Variants in CADM2 observed in about 807,000 individuals in gnomAD.
CADM2 encodes the protein cell adhesion molecule 2, also known as immunoglobulin superfamily member 4D.
A neutral mutation model predicts 49.8 loss-of-function variants in CADM2; 12 were observed. The observed-to-expected ratio is 0.24, with a 90% CI of 0.15 to 0.39. CADM2 has a LOEUF of 0.39. Ranked by LOEUF, CADM2 falls within the 10% of genes least tolerant of loss-of-function variation. The pLI is 1.00. For missense variants in CADM2, 378 were observed against 492.3 expected (o/e 0.77, Z 2.20); for synonymous variants, 214 against 175.4 (o/e 1.22, Z -1.74).
chr3:85,475,040 A>G (rs545749180), intron 1 of CADM2, among the ~76,000 whole-genome samples: 2 of 151,882 alleles, frequency 1.3e-5, no homozygotes, highest in Admixed American at 1.3e-4. Context: ...TTAAGAAAAT[A>G]ATTTTTCTTG....
chr3:85,600,408 TAA>T (rs2063357582), intron 1 of CADM2, among the ~76,000 whole-genome samples: 1 of 151,966 alleles, frequency 6.6e-6, no homozygotes, highest in Non-Finnish European at 1.5e-5. Context: ...AAGTGCTCAT[TAA>T]ATATTTGTAA....
chr3:85,359,665 TA>T lies in CADM2; in HGVS notation c.62-366856del, dbSNP rs1172502242. On this transcript the variant is annotated intron_variant, in intron 1 of 9. Coordinates refer to ENST00000383699, the MANE Select transcript of CADM2 (RefSeq NM_001167675.2). ...ATATATATATATATATATATATATA[TA>T]TTTTTTTTTTTGGTGGAGGGGAGAA... is the stretch of plus-strand genomic sequence containing the variant. 2.6e-3 allele frequency among the ~76,000 whole-genome samples: 92 copies of T among 34,982 alleles called. 3 individuals are homozygous for T. Among genetic ancestry groups the T allele is most frequent in the African/African-American group, 8.0e-3 (87 of 10,868 alleles). The allele number at this position is 34,982 out of a possible 152,430, so 22.9% of individuals were successfully genotyped here. A position where few individuals can be genotyped will look rare whatever the true frequency, so the allele number is the denominator to read the frequency against.
At chr3:85,430,667 G>T (rs528073904) in intron 1 of CADM2, among the ~76,000 whole-genome samples, 95 of 134,974 alleles carry the variant, frequency 7.0e-4, no homozygotes, top group Non-Finnish European at 1.4e-3. Flanking sequence ...AAGAGAAAGA[G>T]GAGAAAGACA....
At position 85,586,079 on chromosome 3, in the gene CADM2, A is replaced by G. The variant is rs573774118; in HGVS notation, c.62-140443A>G. Among the ~76,000 whole-genome samples, 11 of 152,202 alleles carry G rather than the reference A, an allele frequency of 7.2e-5. No homozygotes were observed. In the South Asian group the frequency reaches 1.2e-3, roughly 17 times the overall value. On this transcript the variant is annotated intron_variant, in intron 1 of 9. Coordinates refer to ENST00000383699, the MANE Select transcript of CADM2 (RefSeq NM_001167675.2). ...TTTGTTTAAAGGGGAGCCATCACTC[A>G]TTAAAGTGTGGTTGATGTTCATGCT...
At chr3:85,690,627 A>C (rs1226466798) in intron 1 of CADM2, among the ~76,000 whole-genome samples, 1 of 152,160 alleles carries the variant, frequency 6.6e-6, no homozygotes, top group Non-Finnish European at 1.5e-5. Context: ...TATTGCTAGC[A>C]GTCAAGATAA....
At chr3:84,983,592 A>G (rs1346440836) in intron 1 of CADM2, among the ~76,000 whole-genome samples, 1 of 152,062 alleles carries the variant, frequency 6.6e-6, no homozygotes, top group Non-Finnish European at 1.5e-5. Context: ...ACCTCCCTTT[A>G]TTTCTGCCTG....
At position 85,402,955 on chromosome 3, in the gene CADM2, A is replaced by G. The variant is rs549084836; in HGVS notation, c.62-323567A>G. On this transcript the variant is annotated intron_variant, in intron 1 of 9. Coordinates refer to ENST00000383699, the MANE Select transcript of CADM2 (RefSeq NM_001167675.2). ...TACAGTCCATCTATTTTGAAAATGT[A>G]ATGAATAATTTAATGATTTGCTAGG... Among the ~76,000 whole-genome samples the G allele has an allele frequency of 3.4e-4, 52 of 152,288 alleles. No homozygotes were observed. The South Asian group carries it at 5.0e-3, about 15-fold the overall frequency.
At chr3:85,008,208 T>C (rs1435174004) in intron 1 of CADM2, among the ~76,000 whole-genome samples, 1 of 152,236 alleles carries the variant, frequency 6.6e-6, no homozygotes, top group African/African-American at 2.4e-5. Context: ...GTAATCTATT[T>C]ATAGCTAACT....
chr3:85,237,603 T>G (rs930088354), intron 1 of CADM2, among the ~76,000 whole-genome samples: 10 of 151,570 alleles, frequency 6.6e-5, no homozygotes, highest in African/African-American at 2.4e-4. Context: ...AAGCAAACAC[T>G]GAATTATGTT....
chr3:85,544,850 G>A (rs2061630548), intron 1 of CADM2, among the ~76,000 whole-genome samples: 1 of 151,816 alleles, frequency 6.6e-6, no homozygotes, highest in Admixed American at 6.6e-5. Flanking sequence ...AGGAGAAAAA[G>A]GGAGGATAGG....
At chr3:85,222,619 G>A (rs1483295216) in intron 1 of CADM2, among the ~76,000 whole-genome samples, 2 of 152,066 alleles carry the variant, frequency 1.3e-5, no homozygotes, top group African/African-American at 4.8e-5. Flanking sequence ...CTTTTTGGAG[G>A]ACTTGGAATA....
intron 1 of CADM2, among the ~76,000 whole-genome samples, chr3:85,394,077 A>G (rs941204248): frequency 3.9e-5 from 6 of 152,120 alleles, no homozygotes; most frequent in Non-Finnish European, 4.4e-5. Context: ...TTACAGGCGT[A>G]AGCCACCGCG....
Position 85,598,281 on chromosome 3 carries a change from C to T in CADM2, c.62-128241C>T, listed in dbSNP as rs547457942. 5.9e-4 allele frequency among the ~76,000 whole-genome samples: 89 copies of T among 152,018 alleles called. 2 individuals carry two copies. Among genetic ancestry groups the T allele is most frequent in the Non-Finnish European group, 3.1e-4 (21 of 67,982 alleles). On this transcript the variant is annotated intron_variant, in intron 1 of 9. Coordinates refer to ENST00000383699, the MANE Select transcript of CADM2 (RefSeq NM_001167675.2). The stretch of plus-strand genomic sequence containing the variant: ...TTAATCTTGCTTAGAAACTCTCATA[C>T]ACCTTCCCATCAAGCCAAACACTGG...
At chr3:85,984,471 CATAGTT>C (rs1018682841) in intron 8 of CADM2, among the ~76,000 whole-genome samples, 1 of 151,564 alleles carries the variant, frequency 6.6e-6, no homozygotes, top group Non-Finnish European at 1.5e-5. Flanking sequence ...ACATATGAAA[CATAGTT>C]ATATATTTAA....
intron 8 of CADM2, among the ~76,000 whole-genome samples, chr3:86,049,375 C>T (rs1012470709): frequency 2.6e-5 from 4 of 151,378 alleles, no homozygotes; most frequent in African/African-American, 7.3e-5. Context: ...CCCAGGTTCA[C>T]GCCATCCTCC....
intron 1 of CADM2, among the ~76,000 whole-genome samples, chr3:85,005,297 G>A (rs2033666261): frequency 6.6e-6 from 1 of 152,128 alleles, no homozygotes; most frequent in South Asian, 2.1e-4. Flanking sequence ...GATGGGTGTA[G>A]CTGTGTTCCA....
rs1038249429 is a variant in CADM2, at chr3:85,368,003, T to A, written c.62-358519T>A. ...TTTCAATCTTGGGGGATGTTTAGACTACAACGTAGAAGAAATAACTGAAGA... is the reference window on the plus strand; with the variant it reads ...TTTCAATCTTGGGGGATGTTTAGACAACAACGTAGAAGAAATAACTGAAGA... On this transcript the variant is annotated intron_variant, in intron 1 of 9. Coordinates refer to ENST00000383699, the MANE Select transcript of CADM2 (RefSeq NM_001167675.2). Among the ~76,000 whole-genome samples, 12 of 152,194 alleles carry A rather than the reference T, an allele frequency of 7.9e-5. No homozygotes were observed. The East Asian group carries it at 2.3e-3, about 29-fold the overall frequency.
At chr3:85,242,941 A>C (rs1292247335) in intron 1 of CADM2, among the ~76,000 whole-genome samples, 4 of 151,802 alleles carry the variant, frequency 2.6e-5, no homozygotes, top group African/African-American at 9.7e-5. Context: ...ATGTTTACTC[A>C]AAAATTATAT....
At chr3:85,486,966 G>A (rs1478029140) in intron 1 of CADM2, among the ~76,000 whole-genome samples, 1 of 151,794 alleles carries the variant, frequency 6.6e-6, no homozygotes, top group Non-Finnish European at 1.5e-5. Context: ...ATCACAGTGG[G>A]CCATCTCTTC....
Sources: gnomAD v4.1 joint callset for allele counts (sites outside exome capture counted in the v4.1 genomes callset) on GRCh38, gnomAD v4.1.1 for gene constraint, MANE v1.5 for transcripts, NCBI Gene and HGNC (gene_info 2026-07-23, HGNC 2026-07-21) for gene names.